The following MDGA2 variants were observed in gnomAD, a reference collection of about 807,000 sequenced individuals.
The protein encoded by MDGA2 is MAM domain containing glycosylphosphatidylinositol anchor 2, also known as MAM domain-containing glycosylphosphatidylinositol anchor protein 2.
In MDGA2, 40 loss-of-function variants were observed where a neutral mutation model predicts 117.8. The observed-to-expected ratio is 0.34, with a 90% CI of 0.26 to 0.44. MDGA2 has a LOEUF of 0.44. Ranked by LOEUF, MDGA2 falls within the 20% of genes least tolerant of loss-of-function variation. The pLI is 1.00. For synonymous variants in MDGA2, 452 were observed against 439.0 expected (o/e 1.03, Z -0.37); for missense variants, 1,123 against 1,250.6 (o/e 0.90, Z 1.54).
intron 1 of MDGA2, among the ~76,000 whole-genome samples, chr14:47,399,121 G>C (rs1250412770): frequency 6.6e-6 from 1 of 152,030 alleles, no homozygotes; most frequent in Admixed American, 6.6e-5. Context: ...AAAAATTTTG[G>C]TATTGAAAGA....
intron 1 of MDGA2, among the ~76,000 whole-genome samples, chr14:47,333,865 T>C (rs905952396): frequency 5.9e-5 from 9 of 151,894 alleles, no homozygotes; most frequent in South Asian, 2.1e-4. Flanking sequence ...CATTTTAAAA[T>C]ATATTTGTAG....
At chr14:47,029,228 T>C (rs1888576612) in intron 8 of MDGA2, among the ~76,000 whole-genome samples, 1 of 152,146 alleles carries the variant, frequency 6.6e-6, no homozygotes, top group Non-Finnish European at 1.5e-5. Context: ...CTTCATTAGA[T>C]TTCTTGAGAA....
chr14:46,873,733 T>A (rs988622667), intron 13 of MDGA2, 142 bp from the exon 14 acceptor site: 4 of 703,754 alleles, frequency 5.7e-6, no homozygotes, highest in African/African-American at 5.4e-5. Flanking sequence ...TCTCTATGTG[T>A]ATATGTAACT....
chr14:47,115,607 T>G (rs1275375156), intron 5 of MDGA2, among the ~76,000 whole-genome samples: 2 of 152,140 alleles, frequency 1.3e-5, no homozygotes, highest in East Asian at 3.9e-4. Flanking sequence ...GCATCATTTG[T>G]TAAAAAGAAA....
chr14:47,259,222 T>C (rs1009976152), intron 2 of MDGA2, among the ~76,000 whole-genome samples: 1 of 151,988 alleles, frequency 6.6e-6, no homozygotes, highest in Non-Finnish European at 1.5e-5. Flanking sequence ...GTGATTATAA[T>C]GGGTGGGGGA....
At chr14:47,111,521 A>C (rs1881033895) in intron 5 of MDGA2, among the ~76,000 whole-genome samples, 2 of 152,292 alleles carry the variant, frequency 1.3e-5, no homozygotes, top group Non-Finnish European at 2.9e-5. Flanking sequence ...GAAGTTGAAA[A>C]GGATTTGTGA....
chr14:47,537,574 T>TAAAAAAAA lies in MDGA2; in HGVS notation c.280+136935_280+136942dup, dbSNP rs58060138. The stretch of plus-strand genomic sequence containing the variant: ...TTATCCACTGTTACCTTCTCTCTGT[T>TAAAAAAAA]AAAAAAAAAAAAAAAAAAAAAAAAA... On this transcript the variant is annotated intron_variant, in intron 1 of 16. Coordinates refer to ENST00000399232, the MANE Select transcript of MDGA2 (RefSeq NM_001113498.3). Among the ~76,000 whole-genome samples the TAAAAAAAA allele has an allele frequency of 3.6e-4, 13 of 36,606 alleles. 1 individual carries two copies. The highest frequency in any genetic ancestry group is 6.7e-4 in the Non-Finnish European group (12 of 17,814). 24.0% of individuals were successfully genotyped at this position (36,606 alleles called of 152,430 possible).
chr14:47,271,984 C>T (rs531813651), intron 2 of MDGA2, among the ~76,000 whole-genome samples: 3 of 152,058 alleles, frequency 2.0e-5, no homozygotes, highest in Non-Finnish European at 2.9e-5. Context: ...TCATAAACAA[C>T]GTTTTGCTTT....
chr14:47,158,901 G>A (rs1214705161), intron 3 of MDGA2, among the ~76,000 whole-genome samples: 1 of 152,170 alleles, frequency 6.6e-6, no homozygotes, highest in Middle Eastern at 3.2e-3. Context: ...TACACATGGA[G>A]GAATCTTAAA....
chr14:47,265,723 G>A (rs1887944262), intron 2 of MDGA2, among the ~76,000 whole-genome samples: 1 of 151,754 alleles, frequency 6.6e-6, no homozygotes, highest in Admixed American at 6.6e-5. Flanking sequence ...AACTCCTAGA[G>A]GAATCACAAC....
intron 8 of MDGA2, among the ~76,000 whole-genome samples, chr14:47,012,979 C>T (rs900506816): frequency 2.0e-5 from 3 of 152,208 alleles, no homozygotes; most frequent in Middle Eastern, 3.4e-3. Flanking sequence ...AAGCCTTCAT[C>T]GAGTTGTACT....
chr14:47,342,286 T>A (rs201915170), intron 1 of MDGA2, among the ~76,000 whole-genome samples: 5 of 140,418 alleles, frequency 3.6e-5, no homozygotes, highest in African/African-American at 1.3e-4. Flanking sequence ...ATATATAAAA[T>A]ATGTTATATA....
chr14:46,929,290 T>C (rs1462848813), intron 9 of MDGA2, among the ~76,000 whole-genome samples: 2 of 152,000 alleles, frequency 1.3e-5, no homozygotes, highest in Non-Finnish European at 2.9e-5. Flanking sequence ...TAGCAAAGTA[T>C]AAAACTTGAA....
At chr14:47,217,915 A>T in intron 3 of MDGA2, 106 bp downstream of exon 3, 2 of 896,482 alleles carry the variant, frequency 2.2e-6, no homozygotes, top group Non-Finnish European at 3.1e-6. Flanking sequence ...CACAGTTTTC[A>T]TTCTCAGCTA....
intron 1 of MDGA2, among the ~76,000 whole-genome samples, chr14:47,584,679 T>A (rs1372530149): frequency 6.6e-6 from 1 of 151,862 alleles, no homozygotes; most frequent in African/African-American, 2.4e-5. Flanking sequence ...TAAAGGTTTA[T>A]CTTCTTATGC....
At chr14:47,184,206 T>C (rs1428682906) in intron 3 of MDGA2, among the ~76,000 whole-genome samples, 4 of 152,054 alleles carry the variant, frequency 2.6e-5, no homozygotes, top group African/African-American at 9.7e-5. Flanking sequence ...CATATTGTCT[T>C]ATTGATTTAA....
chr14:47,343,286 T>A (rs1890688235), intron 1 of MDGA2: 1 of 1,132,378 alleles, frequency 8.8e-7, no homozygotes. Flanking sequence ...AAGGCAATGT[T>A]AACTAAGTTC....
chr14:47,076,189 T>C (rs1197628979), intron 6 of MDGA2, among the ~76,000 whole-genome samples: 1 of 152,070 alleles, frequency 6.6e-6, no homozygotes, highest in Non-Finnish European at 1.5e-5. Flanking sequence ...TCATAGAAAC[T>C]TGTACAATAT....
chr14:47,269,412 T>C (rs1475307276), intron 2 of MDGA2, among the ~76,000 whole-genome samples: 1 of 152,146 alleles, frequency 6.6e-6, no homozygotes, highest in African/African-American at 2.4e-5. Context: ...AGAATGAGTG[T>C]ATAATTTGTA....
Sources: gnomAD v4.1 joint callset for allele counts (sites outside exome capture counted in the v4.1 genomes callset) on GRCh38, gnomAD v4.1.1 for gene constraint, MANE v1.5 for transcripts, NCBI Gene and HGNC (gene_info 2026-07-23, HGNC 2026-07-21) for gene names.